The following FPR3 variants were observed in gnomAD, a reference collection of about 807,000 sequenced individuals.
The protein encoded by FPR3 is formyl peptide receptor 3.
For missense variants in FPR3, 346 were observed against 443.2 expected, an observed-to-expected ratio of 0.78 and a Z score of 1.97; for synonymous variants, 135 against 163.6, an observed-to-expected ratio of 0.83 and a Z score of 1.34.
At chr19:51,823,650 A>G (rs2084207091) in intron 1 of FPR3, 89 bp from the exon 2 acceptor site, 1 of 999,192 alleles carries the variant, frequency 1.0e-6, no homozygotes, top group South Asian at 1.7e-5. Context: ...GTCTGCTGGT[A>G]GGAGGAGGAG....
intron 1 of FPR3, among the ~76,000 whole-genome samples, chr19:51,810,990 A>G (rs1029270534): frequency 6.6e-6 from 1 of 152,214 alleles, no homozygotes; most frequent in Admixed American, 6.5e-5. Flanking sequence ...TGTTTCTGCA[A>G]CTGGAGGAGG....
intron 1 of FPR3, among the ~76,000 whole-genome samples, 169 bp downstream of exon 1, chr19:51,795,500 CA>C (rs1568425554): frequency 1.6e-5 from 1 of 61,084 alleles, no homozygotes; most frequent in African/African-American, 6.6e-5. Context: ...GTTCCAGTAA[CA>C]TTCTTTTTTT....
rs2084220481 is a variant in FPR3 at position 51,824,834 on chromosome 19, G to C, written c.*24G>C. On this transcript the variant is annotated 3_prime_UTR_variant, in exon 2 of 2. Coordinates refer to ENST00000339223, the MANE Select transcript of FPR3 (RefSeq NM_002030.5). The surrounding 1 kb of genome is among the most constrained non-coding windows in gnomAD (Gnocchi z 4.7). ...GAGGTCGGGGATATTTTTGGGCTCT[G>C]TCTCTTTCTACCCTGCGTTAAGCGG... The C allele has an allele frequency of 1.3e-6, 2 of 1,571,990 alleles. No homozygotes were observed. The highest frequency in any genetic ancestry group is 1.4e-5 in the African/African-American group (1 of 73,362).
chr19:51,803,135 TATTAA>T (rs1163656657), intron 1 of FPR3, among the ~76,000 whole-genome samples: 15 of 152,220 alleles, frequency 9.9e-5, no homozygotes, highest in South Asian at 6.2e-4. Context: ...CAAATTATTT[TATTAA>T]ATTAAATTAA....
Position 51,824,918 on chromosome 19 carries a change from T to A in FPR3, c.*108T>A, listed in dbSNP as rs1029867224. The A allele has an allele frequency of 1.5e-4, 131 of 871,190 alleles. 3 individuals are homozygous for A. In the Admixed American group the frequency reaches 3.6e-3, roughly 24 times the overall value. The allele number at this position is 871,190 out of a possible 1,614,324, so 54.0% of individuals were successfully genotyped here. A position where few individuals can be genotyped will look rare whatever the true frequency, so the allele number is the denominator to read the frequency against. On this transcript the variant is annotated 3_prime_UTR_variant, in exon 2 of 2. Transcript: ENST00000339223. The surrounding 1 kb of genome is among the most constrained non-coding windows in gnomAD (Gnocchi z 4.7). ...TTTCATACCACCACCACCACAATCA[T>A]CAACATAAAGGAAGTCTGTACCAAA... is the stretch of plus-strand genomic sequence containing the variant.
intron 1 of FPR3, among the ~76,000 whole-genome samples, chr19:51,798,103 G>A (rs1468535187): frequency 6.6e-6 from 1 of 151,936 alleles, no homozygotes; most frequent in African/African-American, 2.4e-5. Context: ...TCAAAGAGAT[G>A]TCACTGATCA....
chr19:51,820,752 A>AC (rs1456083507), intron 1 of FPR3, among the ~76,000 whole-genome samples: 1 of 152,278 alleles, frequency 6.6e-6, no homozygotes, highest in East Asian at 1.9e-4. Flanking sequence ...CTCTGGTTCT[A>AC]CCCCTTTCTG....
intron 1 of FPR3, among the ~76,000 whole-genome samples, chr19:51,807,611 G>A (rs1252192413): frequency 6.6e-6 from 1 of 152,214 alleles, no homozygotes. Context: ...ATGGCAGCAT[G>A]ACCTTTGGAA....
At chr19:51,811,541 C>T (rs966598741) in intron 1 of FPR3, 1 of 152,166 alleles carries the variant, frequency 6.6e-6, no homozygotes, top group African/African-American at 2.4e-5. Context: ...TTCCTCTATT[C>T]CAGGAGATCT....
At position 51,797,020 on chromosome 19, in the gene FPR3, C is replaced by T. The variant is rs554279342; in HGVS notation, c.-11+1689C>T. ...ATTGGACTAAAAAGAGGAAGAGAAT[C>T]GAGCTGTAGAGACGACCAAGAGTGT... On this transcript the variant is annotated intron_variant, in intron 1 of 1. Coordinates refer to ENST00000339223, the MANE Select transcript of FPR3 (RefSeq NM_002030.5). Among the ~76,000 whole-genome samples the T allele has an allele frequency of 1.1e-4, 17 of 152,248 alleles. No individual in the cohort carries two copies. In the South Asian group the frequency reaches 2.7e-3, roughly 24 times the overall value.
intron 1 of FPR3, among the ~76,000 whole-genome samples, chr19:51,807,598 T>C (rs2084068825): frequency 6.6e-6 from 1 of 152,190 alleles, no homozygotes; most frequent in South Asian, 2.1e-4. Flanking sequence ...TTTTAGTCCA[T>C]AGATGGCAGC....
intron 1 of FPR3, among the ~76,000 whole-genome samples, chr19:51,818,374 C>T (rs1022561463): frequency 6.6e-5 from 10 of 152,150 alleles, no homozygotes; most frequent in African/African-American, 1.9e-4. Flanking sequence ...GACACAAACA[C>T]GGCCCGTGTT....
intron 1 of FPR3, among the ~76,000 whole-genome samples, chr19:51,802,040 G>T (rs769984783): frequency 3.3e-5 from 5 of 152,026 alleles, no homozygotes; most frequent in Non-Finnish European, 5.9e-5. Context: ...ATCAAATGAG[G>T]CCCCTTAGTC....
At chr19:51,815,110 T>C (rs996396214) in intron 1 of FPR3, among the ~76,000 whole-genome samples, 14 of 151,968 alleles carry the variant, frequency 9.2e-5, no homozygotes, top group African/African-American at 3.4e-4. Context: ...TTTTATCACA[T>C]CTCATTTTAT....
chr19:51,820,881 T>C (rs2084183169), intron 1 of FPR3, among the ~76,000 whole-genome samples: 1 of 152,250 alleles, frequency 6.6e-6, no homozygotes, highest in Non-Finnish European at 1.5e-5. Context: ...GTGTGCTCAG[T>C]GCTCACACAG....
intron 1 of FPR3, among the ~76,000 whole-genome samples, chr19:51,798,343 T>C (rs1192566549): frequency 1.3e-5 from 2 of 152,156 alleles, no homozygotes; most frequent in Non-Finnish European, 2.9e-5. Context: ...CTAAACATCC[T>C]ACTGTGTACA....
At chr19:51,815,584 G>A (rs1056089246) in intron 1 of FPR3, among the ~76,000 whole-genome samples, 1 of 147,938 alleles carries the variant, frequency 6.8e-6, no homozygotes, top group East Asian at 2.0e-4. Flanking sequence ...AAAAAAGGTA[G>A]ACACCAGGCA....
chr19:51,812,390 T>C (rs923345908), intron 1 of FPR3, among the ~76,000 whole-genome samples: 3 of 152,234 alleles, frequency 2.0e-5, no homozygotes, highest in Admixed American at 6.5e-5. Flanking sequence ...GAATGTCTTA[T>C]GATGGATGAC....
intron 1 of FPR3, among the ~76,000 whole-genome samples, 173 bp downstream of exon 1, chr19:51,795,504 C>CTATTTTTTTTTTTTT: frequency 1.3e-5 from 1 of 74,732 alleles, no homozygotes; most frequent in Non-Finnish European, 2.3e-5. Flanking sequence ...CAGTAACATT[C>CTATTTTTTTTTTTTT]TTTTTTTTTT....
Sources: gnomAD v4.1 joint callset for allele counts (sites outside exome capture counted in the v4.1 genomes callset) on GRCh38, gnomAD v4.1.1 for gene constraint, Gnocchi (gnomAD v3.1) non-coding constraint, MANE v1.5 for transcripts, NCBI Gene and HGNC (gene_info 2026-07-23, HGNC 2026-07-21) for gene names.